CERS4: variants seen among roughly 807,000 people sequenced by gnomAD.
CERS4 encodes the protein ceramide synthase 4.
Under a neutral mutation model 51.8 loss-of-function variants are expected in CERS4, and 65 were observed. The ratio of observed to expected loss-of-function variants is 1.26; its 90% CI spans 1.03 to 1.54. The LOEUF is 1.54. Among genes scored for constraint, CERS4 ranks in the 40% most tolerant of loss-of-function variants. The pLI is 0.00. For synonymous variants in CERS4, 228 were observed against 208.4 expected, an observed-to-expected ratio of 1.09 and a Z score of -0.81; for missense variants, 563 against 500.4, an observed-to-expected ratio of 1.13 and a Z score of -1.19.
rs112432920 is a variant in CERS4, at chr19:8,256,404, C to T, written c.519+118C>T. 4.4e-4 allele frequency: 540 copies of T among 1,221,110 alleles called. 3 individuals carry two copies. The African/African-American group carries it at 7.3e-3, about 16-fold the overall frequency. 75.6% of individuals were successfully genotyped at this position (1,221,110 alleles called of 1,614,324 possible). ...CACTGTCATTCCCCACTGAGTCCCA[C>T]GCTCTTTGATTCCTCTGGGGAATAG... On this transcript the variant is annotated intron_variant, in intron 7 of 11. Transcript: ENST00000251363.
intron 2 of CERS4, 57 bp from the exon 3 acceptor site, chr19:8,251,019 C>T: frequency 6.6e-7 from 1 of 1,515,614 alleles, no homozygotes. Context: ...TCAGGCCCCA[C>T]TTGCCCCACC....
At position 8,257,985 on chromosome 19, in the gene CERS4, A is replaced by G. The variant is rs749511547; in HGVS notation, c.848A>G (p.Gln283Arg). 42 of 1,612,230 alleles carry G rather than the reference A, an allele frequency of 2.6e-5. No individual in the cohort carries two copies. Among genetic ancestry groups the G allele is most frequent in the South Asian group, 5.5e-5 (5 of 91,052 alleles). Residue 283 changes from glutamine to arginine, a missense_variant and splice_region_variant, in exon 10 of 12, where the codon CAG becomes CGG. Gln to Arg is a conservative substitution (Grantham distance 43). Coordinates refer to ENST00000251363, the MANE Select transcript of CERS4 (RefSeq NM_024552.3). ...FYTRLVLFPT[Q>R]ILYTTYYESI... ...ACCCGACTGGTCCTCTTTCCCACCC[A>G]GTGAGTCAGCCCTCCCATGGGGGTC...
At position 8,256,203 on chromosome 19, in the gene CERS4, C is replaced by G. The variant is rs766059682; in HGVS notation, c.469-33C>G. 1.9e-6 allele frequency: 3 copies of G among 1,600,112 alleles called. No individual in the cohort carries two copies. In the Admixed American group the frequency reaches 5.2e-5, roughly 28 times the overall value. Reference sequence around the variant, plus strand: ...CCCAGGGTGGGAGGTTGGATTCTCACCTCTGCACAGCCTGACACCCATTTC... The same window carrying G: ...CCCAGGGTGGGAGGTTGGATTCTCAGCTCTGCACAGCCTGACACCCATTTC... On this transcript the variant is annotated intron_variant, in intron 6 of 11. Coordinates refer to ENST00000251363, the MANE Select transcript of CERS4 (RefSeq NM_024552.3).
chr19:8,256,350 A>G, intron 7 of CERS4, 64 bp downstream of exon 7: 2 of 1,567,078 alleles, frequency 1.3e-6, no homozygotes, highest in South Asian at 1.1e-5. Context: ...TGCTGCAGCC[A>G]TGGGCATGGG....
intron 2 of CERS4, among the ~76,000 whole-genome samples, chr19:8,235,156 A>C (rs371347083): frequency 6.7e-6 from 1 of 148,326 alleles, no homozygotes; most frequent in East Asian, 2.0e-4. Flanking sequence ...TTACAGGCAC[A>C]CACCACCATG....
intron 2 of CERS4, among the ~76,000 whole-genome samples, chr19:8,236,680 TAAAAAAAAAAAAAA>T (rs59164781): frequency 1.6e-5 from 2 of 122,362 alleles, no homozygotes; most frequent in African/African-American, 6.8e-5. Flanking sequence ...CCCTGTCTTC[TAAAAAAAAAAAAAA>T]AAAAAAAGAA....
At chr19:8,257,440 A>AT (rs34718857) in intron 9 of CERS4, among the ~76,000 whole-genome samples, 39 of 150,754 alleles carry the variant, frequency 2.6e-4, no homozygotes, top group East Asian at 1.8e-3. Context: ...ATGTATTCAC[A>AT]TTTTTTTTTT....
At position 8,262,046 on chromosome 19, in the gene CERS4, C is replaced by T. The variant is rs1487920831; in HGVS notation, c.1122C>T (p.Pro374=). 6 of 1,547,842 alleles carry T rather than the reference C, an allele frequency of 3.9e-6. No individual in the cohort carries two copies. In the East Asian group the frequency reaches 9.0e-5, roughly 23 times the overall value. ...NGAAGGPRPA[P]TDGPRSRVAG... is the part of the protein sequence containing the mutation. ...CAGCTGGAGGGCCCAGGCCAGCCCC[C>T]ACTGATGGCCCTCGGAGCCGGGTGG... Residue 374 remains proline, a synonymous_variant, in exon 12 of 12, where the codon CCC becomes CCT. Transcript: ENST00000251363.
chr19:8,253,776 GAC>G (rs1443977395), intron 3 of CERS4, among the ~76,000 whole-genome samples: 1 of 152,004 alleles, frequency 6.6e-6, no homozygotes, highest in African/African-American at 2.4e-5. Context: ...TTTCAGTAGA[GAC>G]AGTGTTTCAC....
At chr19:8,235,316 C>G (rs1298009917) in intron 2 of CERS4, among the ~76,000 whole-genome samples, 1 of 150,574 alleles carries the variant, frequency 6.6e-6, no homozygotes, top group Non-Finnish European at 1.5e-5. Flanking sequence ...ATAATAGGGA[C>G]GAGGTTTCAC....
rs532547909 is a variant in CERS4 at position 8,256,721 on chromosome 19, A to T, written c.612+11A>T. On this transcript the variant is annotated intron_variant, in intron 8 of 11. Coordinates refer to ENST00000251363, the MANE Select transcript of CERS4 (RefSeq NM_024552.3). The stretch of plus-strand genomic sequence containing the variant: ...GATGTCAAGCGCAAGGTGAGGCCAA[A>T]TAAGAGTCTGGAAGACCCAGTCTCT... 2.4e-5 allele frequency: 38 copies of T among 1,610,828 alleles called. No individual in the cohort carries two copies. The South Asian group carries it at 4.1e-4, about 17-fold the overall frequency.
chr19:8,256,316 G>A, intron 7 of CERS4, 30 bp downstream of exon 7: 1 of 1,611,582 alleles, frequency 6.2e-7, no homozygotes, highest in Non-Finnish European at 8.5e-7. Flanking sequence ...TGAATGCTTG[G>A]AGGGTGAGGG....
chr19:8,236,990 G>A (rs1401738104), intron 2 of CERS4, among the ~76,000 whole-genome samples: 24 of 98,926 alleles, frequency 2.4e-4, no homozygotes, highest in Middle Eastern at 0.013. Flanking sequence ...GCAACAGAGC[G>A]AGACTCTGTC....
At chr19:8,215,498 A>G (rs1288057034) in intron 2 of CERS4, among the ~76,000 whole-genome samples, 2 of 151,202 alleles carry the variant, frequency 1.3e-5, no homozygotes, top group African/African-American at 4.9e-5. Flanking sequence ...AAAACAAAAA[A>G]CAAGCAGCGG....
intron 10 of CERS4, among the ~76,000 whole-genome samples, chr19:8,258,726 C>T (rs1300068262): frequency 6.6e-6 from 1 of 152,164 alleles, no homozygotes; most frequent in Non-Finnish European, 1.5e-5. Flanking sequence ...CCTGTAATCC[C>T]AGCTACTCGG....
chr19:8,239,421 A>T (rs1209396163), intron 2 of CERS4: 2 of 152,496 alleles, frequency 1.3e-5, no homozygotes, highest in African/African-American at 4.8e-5. Context: ...AGAAAAAGAA[A>T]AAAGAAAAAT....
At chr19:8,235,007 C>CT (rs566104740) in intron 2 of CERS4, among the ~76,000 whole-genome samples, 2,404 of 127,790 alleles carry the variant, frequency 0.019, 129 homozygotes, top group African/African-American at 0.069. Context: ...TTCTTTCTTT[C>CT]TTTCTTTTTT....
intron 2 of CERS4, among the ~76,000 whole-genome samples, chr19:8,228,946 C>T (rs965920481): frequency 6.6e-5 from 10 of 151,412 alleles, no homozygotes; most frequent in Admixed American, 6.6e-5. Context: ...ATCACTTGAA[C>T]CCCTGGGGCG....
At chr19:8,253,389 A>G (rs1215039642) in intron 3 of CERS4, among the ~76,000 whole-genome samples, 1 of 150,418 alleles carries the variant, frequency 6.6e-6, no homozygotes, top group Non-Finnish European at 1.5e-5. Flanking sequence ...GGGCAAAGGT[A>G]CCTGGGTACC....
Sources: gnomAD v4.1 joint callset for allele counts (sites outside exome capture counted in the v4.1 genomes callset) on GRCh38, gnomAD v4.1.1 for gene constraint, MANE v1.5 for transcripts, NCBI Gene and HGNC (gene_info 2026-07-23, HGNC 2026-07-21) for gene names.